The following MLLT10 variants were observed in gnomAD, a reference collection of about 807,000 sequenced individuals.
MLLT10 encodes MLLT10 histone lysine methyltransferase DOT1L cofactor, also known as protein AF-10.
In MLLT10, 30 loss-of-function variants were observed where a neutral mutation model predicts 129.1. The ratio of observed to expected loss-of-function variants is 0.23; its 90% confidence interval spans 0.17 to 0.32. MLLT10 has a LOEUF of 0.32. MLLT10 is among the 10% of genes least tolerant of loss of function. MLLT10 has a pLI of 1.00. For missense variants in MLLT10, 1,119 were observed against 1,268.3 expected (o/e 0.88, Z 1.79); for synonymous variants, 490 against 446.4 (o/e 1.10, Z -1.23).
intron 9 of MLLT10, among the ~76,000 whole-genome samples, chr10:21,666,491 G>A (rs2050811415): frequency 6.6e-6 from 1 of 151,514 alleles, no homozygotes; most frequent in African/African-American, 2.4e-5. Flanking sequence ...TGGTGAAACC[G>A]CTCTCTACTA....
At chr10:21,695,517 G>T (rs1564663673) in intron 13 of MLLT10, among the ~76,000 whole-genome samples, 1 of 152,086 alleles carries the variant, frequency 6.6e-6, no homozygotes, top group African/African-American at 2.4e-5. Flanking sequence ...TATATAGAGT[G>T]TTCTTTTCTC....
chr10:21,625,705 C>A, intron 8 of MLLT10: 1 of 767,542 alleles, frequency 1.3e-6, no homozygotes. Context: ...CAACAAAAGT[C>A]TGTTGTTTGC....
chr10:21,590,254 T>C (rs2042371874), intron 4 of MLLT10, among the ~76,000 whole-genome samples: 1 of 152,180 alleles, frequency 6.6e-6, no homozygotes, highest in Admixed American at 6.6e-5. Context: ...TTTTATAAAC[T>C]TAAGTCAATT....
intron 4 of MLLT10, among the ~76,000 whole-genome samples, chr10:21,591,423 A>G (rs1589123793): frequency 1.3e-5 from 2 of 152,162 alleles, no homozygotes; most frequent in South Asian, 2.1e-4. Flanking sequence ...ATCTTAGTCT[A>G]TCTTGGACAG....
chr10:21,727,819 G>C (rs376049873), intron 15 of MLLT10, 37 bp from the exon 16 acceptor site: 186 of 1,534,888 alleles, frequency 1.2e-4, no homozygotes, highest in Non-Finnish European at 1.5e-4. Flanking sequence ...TATCTAGTGA[G>C]AGTCACTTTA....
At chr10:21,646,360 G>T (rs2048474899) in intron 8 of MLLT10, among the ~76,000 whole-genome samples, 1 of 152,036 alleles carries the variant, frequency 6.6e-6, no homozygotes. Context: ...GAAACTATTT[G>T]GTAATGTTAT....
intron 3 of MLLT10, among the ~76,000 whole-genome samples, chr10:21,581,232 A>G (rs1009098969): frequency 2.0e-5 from 3 of 151,646 alleles, no homozygotes; most frequent in African/African-American, 7.3e-5. Flanking sequence ...TACTTTTAGT[A>G]GAGACGGGGT....
intron 8 of MLLT10, among the ~76,000 whole-genome samples, chr10:21,644,902 A>G (rs1323713599): frequency 6.6e-6 from 1 of 152,098 alleles, no homozygotes; most frequent in Non-Finnish European, 1.5e-5. Flanking sequence ...AAGCACTAGA[A>G]TTACAGGGGA....
intron 17 of MLLT10, 54 bp from the exon 18 acceptor site, chr10:21,732,845 C>G (rs765365724): frequency 5.5e-6 from 8 of 1,450,040 alleles, no homozygotes; most frequent in African/African-American, 1.4e-5. Flanking sequence ...GCGTAAAATA[C>G]TTAGTCTTAT....
chr10:21,570,114 G>C (rs1302806229), intron 3 of MLLT10, among the ~76,000 whole-genome samples: 1 of 151,994 alleles, frequency 6.6e-6, no homozygotes, highest in Admixed American at 6.6e-5. Context: ...TGTCCATGTT[G>C]GTTAGGCTGG....
intron 13 of MLLT10, among the ~76,000 whole-genome samples, chr10:21,702,340 ATTTGT>A (rs1297526268): frequency 5.9e-5 from 9 of 152,186 alleles, no homozygotes; most frequent in Middle Eastern, 6.8e-3. Context: ...ATTTTTAAAG[ATTTGT>A]TTTGTGTCCT....
In MLLT10 at chr10:21,651,903, C is replaced by CTTTT. The variant is rs775460288; in HGVS notation, c.795+159_795+162dup. ...TATCAGGCACTTAGAATTCTCATTT[C>CTTTT]TTTTTTTTTTTTTTTTTTTTTTTTT... is the stretch of plus-strand genomic sequence containing the variant. On this transcript the variant is annotated intron_variant, in intron 9 of 22. Coordinates refer to ENST00000307729, the MANE Select transcript of MLLT10 (RefSeq NM_001195626.3). 1.5e-3 allele frequency: 196 copies of CTTTT among 133,750 alleles called. 17 individuals are homozygous for CTTTT. Among genetic ancestry groups the CTTTT allele is most frequent in the Non-Finnish European group, 2.2e-3 (155 of 70,032 alleles). The allele number at this position is 133,750 out of a possible 1,614,324, so 8.3% of individuals were successfully genotyped here. A position where few individuals can be genotyped will look rare whatever the true frequency, so the allele number is the denominator to read the frequency against.
intron 3 of MLLT10, among the ~76,000 whole-genome samples, chr10:21,562,039 T>G (rs1300574231): frequency 1.3e-5 from 2 of 151,720 alleles, no homozygotes; most frequent in Non-Finnish European, 2.9e-5. Context: ...CTCCCAATCT[T>G]GGTTGATCTG....
At chr10:21,554,332 T>G (rs1489390242) in intron 3 of MLLT10, among the ~76,000 whole-genome samples, 1 of 152,214 alleles carries the variant, frequency 6.6e-6, no homozygotes, top group Non-Finnish European at 1.5e-5. Flanking sequence ...TTAAAAATTT[T>G]TTTGTTTGTT....
At chr10:21,674,336 T>C (rs931886801) in intron 11 of MLLT10, among the ~76,000 whole-genome samples, 1 of 152,176 alleles carries the variant, frequency 6.6e-6, no homozygotes, top group East Asian at 1.9e-4. Context: ...ACTTCAATTT[T>C]AGTAATCATT....
In MLLT10 at chr10:21,681,160, T is replaced by TCC. The variant is rs557046273; in HGVS notation, c.1622-168_1622-167dup. 2.2e-3 allele frequency among the ~76,000 whole-genome samples: 340 copies of TCC among 152,254 alleles called. 1 individual carries two copies. The highest frequency in any genetic ancestry group is 7.8e-3 in the African/African-American group (326 of 41,548). On this transcript the variant is annotated intron_variant, in intron 11 of 22. Transcript: ENST00000307729. Reference sequence around the variant, plus strand: ...GTGAGAATTCTATTCTGTTTGGTTCTCCCCCTCATGTCCCAATTATTAGCT... The same window carrying TCC: ...GTGAGAATTCTATTCTGTTTGGTTCTCCCCCCCTCATGTCCCAATTATTAGCT...
At chr10:21,551,778 C>G (rs553021014) in intron 3 of MLLT10, 11 of 390,910 alleles carry the variant, frequency 2.8e-5, no homozygotes, top group Admixed American at 1.7e-4. Flanking sequence ...TAAATTAAGT[C>G]TAATAGTTTC....
intron 9 of MLLT10, among the ~76,000 whole-genome samples, chr10:21,655,470 G>C (rs1381361307): frequency 6.6e-5 from 10 of 152,154 alleles, no homozygotes; most frequent in Admixed American, 6.6e-4. Context: ...ATGGACACTG[G>C]AACTTAAATT....
chr10:21,616,867 G>T (rs1041450656), intron 7 of MLLT10, among the ~76,000 whole-genome samples: 3 of 151,736 alleles, frequency 2.0e-5, no homozygotes, highest in Admixed American at 2.0e-4. Context: ...GAAAATAGAT[G>T]ATCTGTTTTC....
Sources: allele counts gnomAD v4.1 joint callset (sites outside exome capture counted in the v4.1 genomes callset), GRCh38; gene constraint gnomAD v4.1.1; transcripts MANE v1.5; gene names NCBI Gene and HGNC (gene_info 2026-07-23, HGNC 2026-07-21).